CASP1: variants seen among roughly 807,000 people sequenced by gnomAD.
CASP1 encodes the protein caspase 1.
Under a neutral mutation model 41.2 loss-of-function variants are expected in CASP1, and 31 were observed. That is an observed-to-expected ratio of 0.75 (90% CI 0.57 to 1.02). The LOEUF is 1.02. Ranked by LOEUF, CASP1 falls within the 50% of genes least tolerant of loss-of-function variation. CASP1 has a pLI of 0.00. For missense variants in CASP1, 490 were observed against 495.7 expected, an observed-to-expected ratio of 0.99 and a Z score of 0.11; for synonymous variants, 163 against 166.5, an observed-to-expected ratio of 0.98 and a Z score of 0.16.
chr11:105,026,656 C>A, intron 8 of CASP1, 186 bp downstream of exon 8: 1 of 604,022 alleles, frequency 1.7e-6, no homozygotes, highest in African/African-American at 1.9e-5. Context: ...TTTCTCAAGG[C>A]TGTGGGTCTT....
At chr11:105,035,266 C>G (rs976842960), upstream of CASP1, 4 of 1,059,860 alleles carry the variant, frequency 3.8e-6, no homozygotes, top group African/African-American at 6.3e-5. Flanking sequence ...GAACTGTAGC[C>G]TGCATCAGGT....
chr11:105,032,687 G>A (rs770047323), intron 3 of CASP1, among the ~76,000 whole-genome samples: 7 of 152,260 alleles, frequency 4.6e-5, no homozygotes, highest in African/African-American at 1.4e-4. Flanking sequence ...AACTGGTGAC[G>A]GTGGCACCAA....
In CASP1 at chr11:105,029,932, T is replaced by C. The variant is rs184122618; in HGVS notation, c.628-33A>G. On this transcript the variant is annotated intron_variant, in intron 5 of 8. Transcript: ENST00000533400. ...ACACCATATCACTGATTTTCGACTATGTAATTAACTATCATGGTACCTTGG... is the reference window on the plus strand; with the variant it reads ...ACACCATATCACTGATTTTCGACTACGTAATTAACTATCATGGTACCTTGG... The C allele has an allele frequency of 6.8e-5, 96 of 1,407,508 alleles. No individual in the cohort carries two copies. In the Middle Eastern group the frequency reaches 8.9e-4, roughly 13 times the overall value. 87.2% of individuals were successfully genotyped at this position (1,407,508 alleles called of 1,614,324 possible).
upstream of CASP1, chr11:105,035,311 T>A (rs1863958354): frequency 7.4e-6 from 5 of 679,602 alleles, no homozygotes; most frequent in Non-Finnish European, 1.3e-5. Flanking sequence ...CACCAGCCCT[T>A]GGATAGATCA....
Position 105,034,260 on chromosome 11 carries a change from T to C in CASP1, c.222A>G (p.Thr74=), listed in dbSNP as rs201137094. Residue 74 remains threonine, a synonymous_variant, in exon 2 of 9, where the codon ACA becomes ACG. Transcript: ENST00000533400. ...GGTAACTGTCTTCTTCACAAATGTA[T>C]GTGATGCAAATTTGGCATGCCTGTG... ...KGAQACQICI[T]YICEEDSYLA... 4.6e-5 allele frequency: 74 copies of C among 1,614,028 alleles called. 1 individual carries two copies. Among genetic ancestry groups the C allele is most frequent in the Non-Finnish European group, 5.9e-5 (70 of 1,179,998 alleles).
In CASP1 at chr11:105,026,127, A is replaced by T; in HGVS notation, c.*131T>A. 1 of 576,410 alleles carries T rather than the reference A, an allele frequency of 1.7e-6. No individual in the cohort carries two copies. The highest frequency in any genetic ancestry group is 1.9e-5 in the African/African-American group (1 of 53,012). 35.7% of individuals were successfully genotyped at this position (576,410 alleles called of 1,614,324 possible). On this transcript the variant is annotated 3_prime_UTR_variant, in exon 9 of 9. Coordinates refer to ENST00000533400, the MANE Select transcript of CASP1 (RefSeq NM_001257118.3). ...AGCATTTCAAAATTCAAATTTTTGG[A>T]TTAAGGATTCTCAGCCTGTAAACCT...
rs1366838492 is a variant in CASP1, at chr11:105,029,183, T to A, written c.947A>T (p.Asp316Val). The A allele has an allele frequency of 6.2e-7, 1 of 1,613,212 alleles. No homozygotes were observed. The highest frequency in any genetic ancestry group is 1.3e-5 in the African/African-American group (1 of 74,866). ...SLPTTEEFED[D>V]AIKKAHIEKD... is the part of the protein sequence containing the mutation. ...CTCTATGTGGGCTTTCTTAATAGCATCATCCTCAAACTCTTCTGTAGTTGG... is the reference window on the plus strand; with the variant it reads ...CTCTATGTGGGCTTTCTTAATAGCAACATCCTCAAACTCTTCTGTAGTTGG... Residue 316 changes from aspartate (D) to valine (V), a missense_variant, in exon 7 of 9, where the codon GAT (aspartate) becomes GTT (valine). Asp to Val is a radical substitution (Grantham distance 152). Coordinates refer to ENST00000533400, the MANE Select transcript of CASP1 (RefSeq NM_001257118.3).
chr11:105,029,681 G>A lies in CASP1; in HGVS notation c.846C>T (p.Ile282=). ...SLKDKPKVII[I]QACRGDSPGV... is the part of the protein sequence containing the mutation. Reference sequence around the variant, plus strand: ...AGCACTCACCACCACGGCAGGCCTGGATGATGATCACCTTCGGTTTGTCCT... The same window carrying A: ...AGCACTCACCACCACGGCAGGCCTGAATGATGATCACCTTCGGTTTGTCCT... Residue 282 remains isoleucine (I), a synonymous_variant, in exon 6 of 9, where the codon ATC becomes ATT. Transcript: ENST00000533400. 1 of 1,613,096 alleles carries A rather than the reference G, an allele frequency of 6.2e-7. No individual in the cohort carries two copies. Among genetic ancestry groups the A allele is most frequent in the South Asian group, 1.1e-5 (1 of 91,072 alleles).
intron 7 of CASP1, chr11:105,027,272 C>T (rs1004584956): frequency 5.5e-6 from 3 of 548,522 alleles, no homozygotes; most frequent in Non-Finnish European, 6.5e-6. Context: ...TTTGAGATAA[C>T]CCAGGATATG....
chr11:105,033,918 T>C (rs1239979756), intron 2 of CASP1: 2 of 717,764 alleles, frequency 2.8e-6, no homozygotes, highest in South Asian at 1.4e-5. Context: ...CCAGGAACAC[T>C]GGAAAACACA....
chr11:105,034,970 C>T (rs1356701030), intron 1 of CASP1, 137 bp downstream of exon 1: 3 of 1,137,164 alleles, frequency 2.6e-6, no homozygotes, highest in Non-Finnish European at 3.9e-6. Context: ...AGTTCCTTCT[C>T]TCCTCCCTCT....
intron 4 of CASP1, chr11:105,030,712 C>T (rs570733534): frequency 2.1e-6 from 1 of 485,666 alleles, no homozygotes; most frequent in African/African-American, 2.0e-5. Flanking sequence ...CTTCTGACTT[C>T]GTTGTTCTTG....
At chr11:105,035,589 CCTT>C (rs1279451319), upstream of CASP1, among the ~76,000 whole-genome samples, 1 of 134,860 alleles carries the variant, frequency 7.4e-6, no homozygotes, top group African/African-American at 2.8e-5. Flanking sequence ...TATTTAATGT[CCTT>C]CTTTTCACAT....
At chr11:105,031,382 C>T in intron 3 of CASP1, 102 bp from the exon 4 acceptor site, 2 of 643,604 alleles carry the variant, frequency 3.1e-6, no homozygotes, top group Non-Finnish European at 2.8e-6. Context: ...AGAGGAAATG[C>T]ACTCTGAGGA....
At position 105,029,109 on chromosome 11, in the gene CASP1, G is replaced by A. The variant is rs1402687766; in HGVS notation, c.1006+15C>T. 6.2e-7 allele frequency: 1 copy of A among 1,610,604 alleles called. No individual in the cohort carries two copies. The highest frequency in any genetic ancestry group is 1.1e-5 in the South Asian group (1 of 90,702). ...GATAGCCCCAACAAAGATGTCCTGT[G>A]TAGAAACCTGTTACCTGGTGTGGAA... is the stretch of plus-strand genomic sequence containing the variant. On this transcript the variant is annotated intron_variant, in intron 7 of 8. Coordinates refer to ENST00000533400, the MANE Select transcript of CASP1 (RefSeq NM_001257118.3).
At chr11:105,035,873 C>A (rs1863997817), upstream of CASP1, among the ~76,000 whole-genome samples, 1 of 152,132 alleles carries the variant, frequency 6.6e-6, no homozygotes, top group African/African-American at 2.4e-5. Context: ...ACCTTGGTCT[C>A]CCAAATTGCT....
In CASP1 at chr11:105,034,222, A is replaced by T; in HGVS notation, c.260T>A (p.Leu87Gln). ...CEEDSYLAGT[L>Q]GLSADQTSGN... ...CTGACCCTTACCTGCTGAGAGTCCCAGCGTCCCTGCCAGGTAACTGTCTTC... is the reference window on the plus strand; with the variant it reads ...CTGACCCTTACCTGCTGAGAGTCCCTGCGTCCCTGCCAGGTAACTGTCTTC... Residue 87 changes from leucine to glutamine, a missense_variant, in exon 2 of 9, where the codon CTG (leucine) becomes CAG (glutamine). Coordinates refer to ENST00000533400, the MANE Select transcript of CASP1 (RefSeq NM_001257118.3). 6.2e-7 allele frequency: 1 copy of T among 1,614,102 alleles called. No individual in the cohort carries two copies. The highest frequency in any genetic ancestry group is 8.5e-7 in the Non-Finnish European group (1 of 1,179,966).
At chr11:105,034,912 T>C (rs1591208070) in intron 1 of CASP1, among the ~76,000 whole-genome samples, 195 bp downstream of exon 1, 1 of 152,194 alleles carries the variant, frequency 6.6e-6, no homozygotes, top group Admixed American at 6.5e-5. Context: ...AAAGCCTCAG[T>C]TCCTTTCTGG....
At chr11:105,031,471 A>C (rs1863694463) in intron 3 of CASP1, among the ~76,000 whole-genome samples, 191 bp from the exon 4 acceptor site, 1 of 152,186 alleles carries the variant, frequency 6.6e-6, no homozygotes, top group Non-Finnish European at 1.5e-5. Context: ...AGAGATTTCC[A>C]GGTATGCATT....
Sources: allele counts gnomAD v4.1 joint callset (sites outside exome capture counted in the v4.1 genomes callset), GRCh38; gene constraint gnomAD v4.1.1; transcripts MANE v1.5; gene names NCBI Gene and HGNC (gene_info 2026-07-23, HGNC 2026-07-21).